Variants in TMEM236 observed in about 807,000 individuals in gnomAD.
TMEM236 encodes family with sequence similarity 23, member A.
TMEM236 carries 11 observed loss-of-function variants against 14.7 expected under a neutral mutation model. The ratio of observed to expected loss-of-function variants is 0.75; its 90% CI spans 0.47 to 1.24. The LOEUF is 1.24. Ranked by LOEUF, TMEM236 falls within the 50% of genes most tolerant of loss-of-function variation. TMEM236 has a pLI of 0.00. For synonymous variants in TMEM236, 182 were observed against 168.6 expected, an observed-to-expected ratio of 1.08 and a Z score of -0.62; for missense variants, 464 against 427.3, an observed-to-expected ratio of 1.09 and a Z score of -0.76.
rs1047949342 is a variant in TMEM236 at position 17,784,004 on chromosome 10, C to T, written c.472+7834C>T. Among the ~76,000 whole-genome samples the T allele has an allele frequency of 1.9e-3, 289 of 151,602 alleles. 2 individuals are homozygous for T. The highest frequency in any genetic ancestry group is 6.9e-3 in the African/African-American group (285 of 41,308). ...TAAATAGTAAGGCTGTTAAGTTTTG[C>T]CTGTCATAGGTGTAGTGTATGTTTC... On this transcript the variant is annotated intron_variant, in intron 3 of 3. Transcript: ENST00000377495.
At chr10:17,753,402 G>A (rs951129650) in intron 1 of TMEM236, among the ~76,000 whole-genome samples, 66 of 152,092 alleles carry the variant, frequency 4.3e-4, no homozygotes, top group Admixed American at 7.2e-4. Flanking sequence ...CCCTCCCACC[G>A]TTCACCCTCT....
At chr10:17,787,217 T>G (rs1837852009) in intron 3 of TMEM236, among the ~76,000 whole-genome samples, 1 of 152,236 alleles carries the variant, frequency 6.6e-6, no homozygotes, top group Non-Finnish European at 1.5e-5. Context: ...GTGCCAACTG[T>G]CTGCCCAAGC....
rs1371396877 is a variant in TMEM236, at chr10:17,790,219, G to A, written c.473-5702G>A. On this transcript the variant is annotated intron_variant, in intron 3 of 3. Transcript: ENST00000377495. ...CACTCCACTCTGGGTAGAGAAAGAC[G>A]CAGTCTCAAAAATAATAAATAAATA... 1.2e-4 allele frequency among the ~76,000 whole-genome samples: 19 copies of A among 152,082 alleles called. No individual in the cohort carries two copies. The East Asian group carries it at 2.5e-3, about 20-fold the overall frequency.
In TMEM236 at chr10:17,761,074, C is replaced by A. The variant is rs3847370; in HGVS notation, c.257+8522C>A. ...CTCCTTATCCTATGCAGGAAGTCAC[C>A]ACATTCTGGTAATTCTTCCTCTTCC... On this transcript the variant is annotated intron_variant, in intron 1 of 3. Coordinates refer to ENST00000377495, the MANE Select transcript of TMEM236 (RefSeq NM_001098844.3). Among the ~76,000 whole-genome samples, 712 of 151,956 alleles carry A rather than the reference C, an allele frequency of 4.7e-3. 6 individuals carry two copies. Among genetic ancestry groups the A allele is most frequent in the Non-Finnish European group, 7.6e-3 (518 of 67,964 alleles).
At chr10:17,770,849 T>A (rs989340654) in intron 1 of TMEM236, among the ~76,000 whole-genome samples, 3 of 117,372 alleles carry the variant, frequency 2.6e-5, no homozygotes, top group East Asian at 4.5e-4. Context: ...AGTAAAAAAA[T>A]GTAAATGTTT....
intron 1 of TMEM236, among the ~76,000 whole-genome samples, chr10:17,752,816 C>T (rs1837228553): frequency 6.6e-6 from 1 of 152,154 alleles, no homozygotes; most frequent in African/African-American, 2.4e-5. Context: ...ATCTGCCTGC[C>T]TCAGCCTCCC....
In TMEM236 at chr10:17,797,979, C is replaced by T. The variant is rs1231773407; in HGVS notation, c.*1475C>T. On this transcript the variant is annotated 3_prime_UTR_variant, in exon 4 of 4. Transcript: ENST00000377495. ...AAGTTCGGCTTACAAATATAATAGC[C>T]AATGTATCAGTGTCTTATGTGATAC... 1.3e-5 allele frequency: 2 copies of T among 152,128 alleles called. No homozygotes were observed. The highest frequency in any genetic ancestry group is 4.8e-5 in the African/African-American group (2 of 41,394). 9.4% of individuals were successfully genotyped at this position (152,128 alleles called of 1,614,324 possible).
At chr10:17,774,731 G>C (rs1837630554) in intron 2 of TMEM236, among the ~76,000 whole-genome samples, 1 of 152,046 alleles carries the variant, frequency 6.6e-6, no homozygotes, top group Non-Finnish European at 1.5e-5. Flanking sequence ...AGTTGCAACA[G>C]TGGTTGAAGT....
chr10:17,765,323 C>A (rs1049367751), intron 1 of TMEM236, among the ~76,000 whole-genome samples: 9 of 152,160 alleles, frequency 5.9e-5, no homozygotes, highest in African/African-American at 1.2e-4. Context: ...TCCCAAAATT[C>A]ATGTTCTTTT....
chr10:17,786,454 G>A (rs1005794232), intron 3 of TMEM236, among the ~76,000 whole-genome samples: 3 of 152,184 alleles, frequency 2.0e-5, no homozygotes, highest in Admixed American at 2.0e-4. Flanking sequence ...GACCTCCTGA[G>A]CTCAAGTGAT....
In TMEM236 at chr10:17,759,488, G is replaced by C. The variant is rs974976149; in HGVS notation, c.257+6936G>C. Among the ~76,000 whole-genome samples, 6 of 152,238 alleles carry C rather than the reference G, an allele frequency of 3.9e-5. No homozygotes were observed. The South Asian group carries it at 1.2e-3, about 32-fold the overall frequency. ...TGGGCAACATTTTACCTGGCTTAAGGTTTTAACATATTCCATGAGATTTTG... is the reference window on the plus strand; with the variant it reads ...TGGGCAACATTTTACCTGGCTTAAGCTTTTAACATATTCCATGAGATTTTG... On this transcript the variant is annotated intron_variant, in intron 1 of 3. Transcript: ENST00000377495.
intron 3 of TMEM236, among the ~76,000 whole-genome samples, chr10:17,779,027 G>T (rs1211440321): frequency 6.6e-6 from 1 of 152,058 alleles, no homozygotes; most frequent in African/African-American, 2.4e-5. Context: ...TCTGTAGCAC[G>T]GCAGTCTCAC....
At chr10:17,767,626 A>G (rs1837490124) in intron 1 of TMEM236, among the ~76,000 whole-genome samples, 1 of 152,120 alleles carries the variant, frequency 6.6e-6, no homozygotes, top group Non-Finnish European at 1.5e-5. Context: ...GACATTCTCT[A>G]GCATCATGAA....
At chr10:17,762,457 A>T (rs1202819802) in intron 1 of TMEM236, among the ~76,000 whole-genome samples, 1 of 151,416 alleles carries the variant, frequency 6.6e-6, no homozygotes, top group Non-Finnish European at 1.5e-5. Flanking sequence ...CCTATTTCAT[A>T]ACAGAGTGTA....
chr10:17,796,689 TAAGTA>T lies in TMEM236; in HGVS notation c.*192_*196del, dbSNP rs1838021249. On this transcript the variant is annotated 3_prime_UTR_variant, in exon 4 of 4. Transcript: ENST00000377495. Reference sequence around the variant, plus strand: ...TTACATATACAAATGGTGCTAAATTTAAGTAAAGTAATATTCTTATAAGTTGGCTC... The same window carrying T: ...TTACATATACAAATGGTGCTAAATTTAAGTAATATTCTTATAAGTTGGCTC... 4.9e-6 allele frequency: 3 copies of T among 609,856 alleles called. No homozygotes were observed. Among genetic ancestry groups the T allele is most frequent in the Non-Finnish European group, 8.6e-6 (3 of 348,952 alleles). 37.8% of individuals were successfully genotyped at this position (609,856 alleles called of 1,614,324 possible). A position where few individuals can be genotyped will look rare whatever the true frequency, so the allele number is the denominator to read the frequency against.
intron 1 of TMEM236, among the ~76,000 whole-genome samples, chr10:17,766,712 G>A (rs1376089688): frequency 6.6e-6 from 1 of 152,170 alleles, no homozygotes; most frequent in African/African-American, 2.4e-5. Flanking sequence ...CGACAACAAA[G>A]TACCTGGATG....
intron 1 of TMEM236, among the ~76,000 whole-genome samples, chr10:17,755,063 TG>T: frequency 6.6e-6 from 1 of 151,876 alleles, no homozygotes; most frequent in Middle Eastern, 3.4e-3. Context: ...CTCAGCCTCC[TG>T]AGTTGCTGGG....
rs1024690114 is a variant in TMEM236, at chr10:17,776,177, G to A, written c.472+7G>A. 5.6e-6 allele frequency: 9 copies of A among 1,608,828 alleles called. No individual in the cohort carries two copies. Among genetic ancestry groups the A allele is most frequent in the Non-Finnish European group, 6.8e-6 (8 of 1,175,942 alleles). ...CTTAGAGGGAGTCAAAAGAGTAAGTGTTCTTTTAAATGTGAATATTTTTTA... is the reference window on the plus strand; with the variant it reads ...CTTAGAGGGAGTCAAAAGAGTAAGTATTCTTTTAAATGTGAATATTTTTTA... On this transcript the variant is annotated splice_region_variant and intron_variant, in intron 3 of 3. Transcript: ENST00000377495.
chr10:17,775,466 G>A (rs1229899119), intron 2 of TMEM236, among the ~76,000 whole-genome samples: 3 of 152,074 alleles, frequency 2.0e-5, no homozygotes, highest in Admixed American at 1.3e-4. Flanking sequence ...ATAGACTTGG[G>A]TTCTGGCCTT....
Sources: gnomAD v4.1 joint callset for allele counts (sites outside exome capture counted in the v4.1 genomes callset) on GRCh38, gnomAD v4.1.1 for gene constraint, MANE v1.5 for transcripts, NCBI Gene and HGNC (gene_info 2026-07-23, HGNC 2026-07-21) for gene names.